The following CEP128 variants were observed in gnomAD, a reference collection of about 807,000 sequenced individuals.
CEP128 encodes the protein centrosomal protein 128kDa.
Under a neutral mutation model 156.7 loss-of-function variants are expected in CEP128, and 132 were observed. The ratio of observed to expected loss-of-function variants is 0.84; its 90% confidence interval spans 0.73 to 0.97. The LOEUF (loss-of-function observed/expected upper bound fraction) is 0.97, where lower values mean the gene tolerates loss of function less well. Among genes scored for constraint, CEP128 ranks in the 50% least tolerant of loss-of-function variants. The probability of loss-of-function intolerance (pLI) is 0.00; values close to 1 mark genes in which losing one functional copy is unlikely to be tolerated. For missense variants in CEP128, 1,252 were observed against 1,281.9 expected, an observed-to-expected ratio of 0.98 and a Z score of 0.36; for synonymous variants, 469 against 448.9, an observed-to-expected ratio of 1.04 and a Z score of -0.57.
Position 80,675,498 on chromosome 14 carries a change from T to C in CEP128, c.2806+67577A>G, listed in dbSNP as rs149946108. Among the ~76,000 whole-genome samples, 197 of 152,204 alleles carry C rather than the reference T, an allele frequency of 1.3e-3. 1 individual carries two copies. The highest frequency in any genetic ancestry group is 4.7e-3 in the African/African-American group (194 of 41,584). On this transcript the variant is annotated intron_variant, in intron 19 of 24. Transcript: ENST00000555265. Reference sequence around the variant, plus strand: ...CTAACTTGGTGTAAAAATGGGATTTTATTGAATTACTAACTTGAGATTATG... The same window carrying C: ...CTAACTTGGTGTAAAAATGGGATTTCATTGAATTACTAACTTGAGATTATG...
intron 16 of CEP128, among the ~76,000 whole-genome samples, chr14:80,770,106 T>C (rs1288768641): frequency 6.6e-6 from 1 of 152,228 alleles, no homozygotes; most frequent in Non-Finnish European, 1.5e-5. Context: ...CCTTCTCCTC[T>C]AGACCCTTGT....
At chr14:80,553,155 G>A (rs111514726) in intron 21 of CEP128, among the ~76,000 whole-genome samples, 52,055 of 151,288 alleles carry the variant, frequency 0.34, 9,323 homozygotes, top group African/African-American at 0.41. Context: ...AGGTACACAT[G>A]TGCTGTGGTG....
At chr14:80,805,273 C>G (rs1884111723) in intron 13 of CEP128, among the ~76,000 whole-genome samples, 1 of 151,980 alleles carries the variant, frequency 6.6e-6, no homozygotes, top group South Asian at 2.1e-4. Context: ...AGGCAGGGAC[C>G]ATATTCTTGC....
At chr14:80,818,533 T>C (rs1246454063) in intron 13 of CEP128, among the ~76,000 whole-genome samples, 2 of 152,130 alleles carry the variant, frequency 1.3e-5, no homozygotes, top group African/African-American at 4.8e-5. Flanking sequence ...GCTAGACCAG[T>C]GGATTAATAA....
At chr14:80,489,922 A>G (rs1024836979), downstream of CEP128, among the ~76,000 whole-genome samples, 47 of 150,824 alleles carry the variant, frequency 3.1e-4, no homozygotes, top group African/African-American at 1.0e-3. Context: ...AAAAAAAAAA[A>G]AAAGAAACAC....
downstream of CEP128, among the ~76,000 whole-genome samples, chr14:80,494,468 G>A (rs946053804): frequency 2.0e-5 from 3 of 152,134 alleles, no homozygotes; most frequent in African/African-American, 4.8e-5. Context: ...AAAACAATTT[G>A]AGGTATTTAT....
At chr14:80,566,948 T>G (rs1416396665) in intron 20 of CEP128, among the ~76,000 whole-genome samples, 2 of 151,936 alleles carry the variant, frequency 1.3e-5, no homozygotes, top group African/African-American at 4.8e-5. Flanking sequence ...AAAAGCCAAT[T>G]TAAAGTGATA....
At chr14:80,564,548 C>A (rs1197261689) in intron 20 of CEP128, among the ~76,000 whole-genome samples, 1 of 152,226 alleles carries the variant, frequency 6.6e-6, no homozygotes, top group African/African-American at 2.4e-5. Flanking sequence ...GAAATTATGA[C>A]AGTGACAGAA....
At chr14:80,615,378 C>T (rs558031977) in intron 19 of CEP128, among the ~76,000 whole-genome samples, 6 of 152,218 alleles carry the variant, frequency 3.9e-5, no homozygotes, top group East Asian at 3.9e-4. Flanking sequence ...ATGAGATAGC[C>T]GTAGAGTATC....
chr14:80,926,331 A>G (rs1008908705), intron 2 of CEP128, among the ~76,000 whole-genome samples: 12 of 152,024 alleles, frequency 7.9e-5, no homozygotes, highest in African/African-American at 2.9e-4. Flanking sequence ...TGGGTATGAG[A>G]CCTGCCTTGC....
At chr14:80,581,231 C>A (rs1404809623) in intron 19 of CEP128, among the ~76,000 whole-genome samples, 4 of 152,140 alleles carry the variant, frequency 2.6e-5, no homozygotes, top group East Asian at 3.8e-4. Context: ...TGAGTCAGAA[C>A]TTGGATGAAA....
At chr14:80,812,143 A>T (rs1884592344) in intron 13 of CEP128, among the ~76,000 whole-genome samples, 1 of 152,180 alleles carries the variant, frequency 6.6e-6, no homozygotes, top group South Asian at 2.1e-4. Context: ...ATAAGACAGA[A>T]CATGCAGTAT....
chr14:80,660,859 A>G (rs1026813803), intron 19 of CEP128, among the ~76,000 whole-genome samples: 1 of 152,030 alleles, frequency 6.6e-6, no homozygotes, highest in Admixed American at 6.6e-5. Flanking sequence ...ATACACCCTG[A>G]GACATTCAGC....
chr14:80,536,909 G>C (rs1261904498), intron 21 of CEP128, among the ~76,000 whole-genome samples: 2 of 150,528 alleles, frequency 1.3e-5, no homozygotes, highest in African/African-American at 2.5e-5. Flanking sequence ...GTGTATTGGG[G>C]TAAGAGGGTA....
chr14:80,715,882 G>A (rs1056929423), intron 19 of CEP128, among the ~76,000 whole-genome samples: 6 of 152,152 alleles, frequency 3.9e-5, no homozygotes, highest in African/African-American at 7.2e-5. Context: ...ATGTTATAGC[G>A]CTTAGAACAA....
At chr14:80,934,559 C>T (rs193294936) in intron 2 of CEP128, among the ~76,000 whole-genome samples, 14 of 152,188 alleles carry the variant, frequency 9.2e-5, no homozygotes, top group African/African-American at 3.4e-4. Flanking sequence ...GGCAGGATTT[C>T]TAACCTCCCT....
intron 2 of CEP128, among the ~76,000 whole-genome samples, chr14:80,949,277 C>A (rs1343469983): frequency 7.2e-5 from 11 of 152,040 alleles, no homozygotes; most frequent in African/African-American, 1.5e-4. Context: ...CAGGCAGAGT[C>A]CAGTGGATTC....
chr14:80,789,672 G>A (rs1595401556), intron 14 of CEP128, among the ~76,000 whole-genome samples: 1 of 152,054 alleles, frequency 6.6e-6, no homozygotes, highest in Non-Finnish European at 1.5e-5. Flanking sequence ...CAAAGAAGGG[G>A]CAAAAGAAAA....
intron 19 of CEP128, among the ~76,000 whole-genome samples, chr14:80,658,869 A>C (rs750888975): frequency 2.0e-5 from 3 of 152,198 alleles, no homozygotes; most frequent in Admixed American, 6.5e-5. Flanking sequence ...ATGAACAGTT[A>C]GCTCTCACAG....
Sources: allele counts gnomAD v4.1 joint callset (sites outside exome capture counted in the v4.1 genomes callset), GRCh38; gene constraint gnomAD v4.1.1; transcripts MANE v1.5; gene names NCBI Gene and HGNC (gene_info 2026-07-23, HGNC 2026-07-21).